The following AGPAT4 variants were observed in gnomAD, a reference collection of about 807,000 sequenced individuals.
AGPAT4 encodes 1-acylglycerol-3-phosphate O-acyltransferase 4, also known as 1-acyl-sn-glycerol-3-phosphate acyltransferase delta.
A neutral mutation model predicts 48.0 loss-of-function variants in AGPAT4; 15 were observed. That is an observed-to-expected ratio of 0.31 (90% CI 0.21 to 0.48). AGPAT4 has a LOEUF of 0.48. AGPAT4 is among the 20% of genes least tolerant of loss of function. AGPAT4 has a pLI of 0.99. For missense variants in AGPAT4, 314 were observed against 482.5 expected (o/e 0.65, Z 3.27); for synonymous variants, 178 against 198.7 (o/e 0.90, Z 0.88).
At chr6:161,192,084 TCCTTCTCG>T (rs1780940026) in intron 2 of AGPAT4, among the ~76,000 whole-genome samples, 1 of 150,550 alleles carries the variant, frequency 6.6e-6, no homozygotes, top group East Asian at 1.9e-4. Flanking sequence ...TCTTCTCTCT[TCCTTCTCG>T]CCTTCTTTTG....
chr6:161,235,280 T>C lies in AGPAT4; in HGVS notation c.-89-2978A>G, dbSNP rs75388727. On this transcript the variant is annotated intron_variant, in intron 1 of 8. Transcript: ENST00000320285. The surrounding 1 kb of genome is among the most constrained non-coding windows in gnomAD (Gnocchi z 6.2). Reference sequence around the variant, plus strand: ...CCAGGGAGGCTATTGCTTTTTAATTTCGTGAAACTTAGGCGGATTCTCAAA... The same window carrying C: ...CCAGGGAGGCTATTGCTTTTTAATTCCGTGAAACTTAGGCGGATTCTCAAA... Among the ~76,000 whole-genome samples, 4,073 of 152,272 alleles carry C rather than the reference T, an allele frequency of 0.027. 174 individuals carry two copies. The highest frequency in any genetic ancestry group is 0.094 in the African/African-American group (3,890 of 41,542).
chr6:161,256,790 G>C (rs1009684418), intron 1 of AGPAT4, among the ~76,000 whole-genome samples: 1 of 152,216 alleles, frequency 6.6e-6, no homozygotes, highest in African/African-American at 2.4e-5. Context: ...TGAAGGGAAA[G>C]AAATGGGTTC....
intron 3 of AGPAT4, among the ~76,000 whole-genome samples, chr6:161,157,503 G>A (rs1779796221): frequency 6.6e-6 from 1 of 152,310 alleles, no homozygotes; most frequent in South Asian, 2.1e-4. Context: ...TGTAGACACA[G>A]GGTCTTACCA....
intron 2 of AGPAT4, among the ~76,000 whole-genome samples, chr6:161,205,737 C>CAATAATAATAAT (rs761976412): frequency 1.4e-5 from 2 of 145,640 alleles, no homozygotes; most frequent in African/African-American, 5.1e-5. Flanking sequence ...GTTGAAATTA[C>CAATAATAATAAT]AATAATAATA....
rs1234974238 is a variant in AGPAT4 at position 161,171,156 on chromosome 6, G to T, written c.179-4739C>A. ...TTGTTTAGTTAAGGGAAAATCACCT[G>T]TTGAGAGTTTCAGGTTGCAATCCTG... On this transcript the variant is annotated intron_variant, in intron 2 of 8. Transcript: ENST00000320285. The surrounding 1 kb of genome is among the most constrained non-coding windows in gnomAD (Gnocchi z 4.4). 6.6e-6 allele frequency among the ~76,000 whole-genome samples: 1 copy of T among 152,218 alleles called. No homozygotes were observed. The highest frequency in any genetic ancestry group is 1.9e-4 in the East Asian group (1 of 5,200).
rs1457577985 is a variant in AGPAT4 at position 161,130,801 on chromosome 6, G to A, written c.*5739C>T. On this transcript the variant is annotated 3_prime_UTR_variant, in exon 9 of 9. Transcript: ENST00000320285. Reference sequence around the variant, plus strand: ...GCTACCCGGAAGCTGGCTCTGCAGCGTTGTGACTTAGACACTTTACAAGTC... The same window carrying A: ...GCTACCCGGAAGCTGGCTCTGCAGCATTGTGACTTAGACACTTTACAAGTC... 3.1e-5 allele frequency: 16 copies of A among 515,180 alleles called. No individual in the cohort carries two copies. The highest frequency in any genetic ancestry group is 1.1e-4 in the East Asian group (2 of 18,292). The allele number at this position is 515,180 out of a possible 1,614,324, so 31.9% of individuals were successfully genotyped here.
rs1781615519 is a variant in AGPAT4, at chr6:161,215,324, C to T, written c.178+16712G>A. ...TGTGGGTTGAAAATGTTTACACATC[C>T]CAGCGGACATATTTGTGCTGAATCT... On this transcript the variant is annotated intron_variant, in intron 2 of 8. Transcript: ENST00000320285. This position sits in a 1 kb window ranked among gnomAD's most constrained non-coding sequence, Gnocchi z 4.5. Among the ~76,000 whole-genome samples the T allele has an allele frequency of 6.6e-6, 1 of 152,286 alleles. No individual in the cohort carries two copies. The highest frequency in any genetic ancestry group is 1.5e-5 in the Non-Finnish European group (1 of 68,026).
In AGPAT4 at chr6:161,218,318, A is replaced by G. The variant is rs1186821228; in HGVS notation, c.178+13718T>C. Among the ~76,000 whole-genome samples the G allele has an allele frequency of 6.6e-6, 1 of 152,196 alleles. No individual in the cohort carries two copies. The highest frequency in any genetic ancestry group is 2.4e-5 in the African/African-American group (1 of 41,452). On this transcript the variant is annotated intron_variant, in intron 2 of 8. Transcript: ENST00000320285. The surrounding 1 kb of genome is among the most constrained non-coding windows in gnomAD (Gnocchi z 4.7). The stretch of plus-strand genomic sequence containing the variant: ...AAATATTCCCACAAATGTCAGTGCC[A>G]AGCTATCTATATGAAATCAATGAAG...
At chr6:161,205,761 T>TAATAATAATAATAAC (rs71004032) in intron 2 of AGPAT4, among the ~76,000 whole-genome samples, 1,632 of 149,086 alleles carry the variant, frequency 0.011, 31 homozygotes, top group African/African-American at 0.034. Context: ...ATAATAATAA[T>TAATAATAATAATAAC]AACAACAAAC....
intron 4 of AGPAT4, 92 bp from the exon 5 acceptor site, chr6:161,153,591 G>T (rs1405048633): frequency 7.1e-5 from 103 of 1,454,272 alleles, no homozygotes; most frequent in Non-Finnish European, 9.3e-5. Context: ...ACAGCCCCAG[G>T]GTCACATATG....
rs3798937 is a variant in AGPAT4 at position 161,226,930 on chromosome 6, A to G, written c.178+5106T>C. Among the ~76,000 whole-genome samples the G allele has an allele frequency of 0.23, 34,594 of 152,222 alleles. 4,357 individuals carry two copies. Among genetic ancestry groups the G allele is most frequent in the African/African-American group, 0.33 (13,516 of 41,532 alleles). ...CTCCCTCGGGGGAGCTCCTAGGCAA[A>G]GCAGGGAAGAAGAAGGAAGAAGGAA... On this transcript the variant is annotated intron_variant, in intron 2 of 8. Coordinates refer to ENST00000320285, the MANE Select transcript of AGPAT4 (RefSeq NM_020133.3). The surrounding 1 kb of genome is among the most constrained non-coding windows in gnomAD (Gnocchi z 6.3).
In AGPAT4 at chr6:161,219,946, G is replaced by GCAGACAGACAGACAGA. The variant is rs3839453; in HGVS notation, c.178+12074_178+12089dup. Among the ~76,000 whole-genome samples, 6 of 143,840 alleles carry GCAGACAGACAGACAGA rather than the reference G, an allele frequency of 4.2e-5. No individual in the cohort carries two copies. Among genetic ancestry groups the GCAGACAGACAGACAGA allele is most frequent in the Non-Finnish European group, 4.5e-5 (3 of 66,708 alleles). 94.4% of individuals were successfully genotyped at this position (143,840 alleles called of 152,430 possible). ...GGCAGGCAGGCAGGCAGGCAGGCAG[G>GCAGACAGACAGACAGA]CAGACAGACAGACAGACAGACAGGC... On this transcript the variant is annotated intron_variant, in intron 2 of 8. Coordinates refer to ENST00000320285, the MANE Select transcript of AGPAT4 (RefSeq NM_020133.3). The surrounding 1 kb of genome is among the most constrained non-coding windows in gnomAD (Gnocchi z 4.9).
rs1290102683 is a variant in AGPAT4, at chr6:161,221,475, G to A, written c.178+10561C>T. On this transcript the variant is annotated intron_variant, in intron 2 of 8. Transcript: ENST00000320285. The surrounding 1 kb of genome is among the most constrained non-coding windows in gnomAD (Gnocchi z 4.5). ...AAGGTAGGGGTGGGAGAGATAGAAAGGAGAAAAAGGGAGAGGAGAGAGAAA... is the reference window on the plus strand; with the variant it reads ...AAGGTAGGGGTGGGAGAGATAGAAAAGAGAAAAAGGGAGAGGAGAGAGAAA... Among the ~76,000 whole-genome samples the A allele has an allele frequency of 6.6e-6, 1 of 152,140 alleles. No homozygotes were observed. Among genetic ancestry groups the A allele is most frequent in the East Asian group, 1.9e-4 (1 of 5,184 alleles).
chr6:161,167,662 G>A (rs921432673), intron 2 of AGPAT4, among the ~76,000 whole-genome samples: 1 of 151,846 alleles, frequency 6.6e-6, no homozygotes, highest in Non-Finnish European at 1.5e-5. Flanking sequence ...AGCTCAAGCG[G>A]CTGTCCTTGG....
In AGPAT4 at chr6:161,136,397, C is replaced by T; in HGVS notation, c.*143G>A. The T allele has an allele frequency of 1.5e-6, 1 of 670,352 alleles. No individual in the cohort carries two copies. Among genetic ancestry groups the T allele is most frequent in the Non-Finnish European group, 2.6e-6 (1 of 384,998 alleles). The allele number at this position is 670,352 out of a possible 1,614,324, so 41.5% of individuals were successfully genotyped here. On this transcript the variant is annotated 3_prime_UTR_variant, in exon 9 of 9. Transcript: ENST00000320285. Reference sequence around the variant, plus strand: ...CTTCCTCCCCATCCGGCCTTGAGACCAGACTCCCTGGCTGGAGAGGTCGTG... The same window carrying T: ...CTTCCTCCCCATCCGGCCTTGAGACTAGACTCCCTGGCTGGAGAGGTCGTG...
At position 161,158,548 on chromosome 6, in the gene AGPAT4, C is replaced by G. The variant is rs1779827446; in HGVS notation, c.349-4238G>C. Among the ~76,000 whole-genome samples, 2 of 152,144 alleles carry G rather than the reference C, an allele frequency of 1.3e-5. No homozygotes were observed. Among genetic ancestry groups the G allele is most frequent in the African/African-American group, 4.8e-5 (2 of 41,420 alleles). ...GCTTGGAGCTAATCTAGTTGAGCGACCCATCCTGAGGCTCCCCACAGCTCA... is the reference window on the plus strand; with the variant it reads ...GCTTGGAGCTAATCTAGTTGAGCGAGCCATCCTGAGGCTCCCCACAGCTCA... On this transcript the variant is annotated intron_variant, in intron 3 of 8. Transcript: ENST00000320285. The surrounding 1 kb of genome is among the most constrained non-coding windows in gnomAD (Gnocchi z 5.3).
rs1779285659 is a variant in AGPAT4, at chr6:161,142,473, A to C, written c.844-2853T>G. Reference sequence around the variant, plus strand: ...AATGAAGGAGAGTTGGTTTGTTTCCAGAAAGAAGCATCAACCTACAAGCCA... The same window carrying C: ...AATGAAGGAGAGTTGGTTTGTTTCCCGAAAGAAGCATCAACCTACAAGCCA... On this transcript the variant is annotated intron_variant, in intron 7 of 8. Coordinates refer to ENST00000320285, the MANE Select transcript of AGPAT4 (RefSeq NM_020133.3). This position sits in a 1 kb window ranked among gnomAD's most constrained non-coding sequence, Gnocchi z 6.4. Among the ~76,000 whole-genome samples the C allele has an allele frequency of 6.6e-6, 1 of 152,186 alleles. No homozygotes were observed. The highest frequency in any genetic ancestry group is 6.5e-5 in the Admixed American group (1 of 15,280).
intron 2 of AGPAT4, among the ~76,000 whole-genome samples, chr6:161,190,587 G>GA (rs11339502): frequency 0.089 from 11,617 of 131,200 alleles, 604 homozygotes; most frequent in Non-Finnish European, 0.13. Flanking sequence ...GAAACCAAGG[G>GA]AAAAAAAAAA....
intron 2 of AGPAT4, among the ~76,000 whole-genome samples, chr6:161,175,437 G>C (rs570499574): frequency 6.6e-6 from 1 of 152,300 alleles, no homozygotes; most frequent in South Asian, 2.1e-4. Context: ...TATTTGCATA[G>C]AGGTGTTTAT....
Sources: allele counts gnomAD v4.1 joint callset (sites outside exome capture counted in the v4.1 genomes callset), GRCh38; gene constraint gnomAD v4.1.1; non-coding constraint Gnocchi (gnomAD v3.1); transcripts MANE v1.5; gene names NCBI Gene and HGNC (gene_info 2026-07-23, HGNC 2026-07-21).